LRRC37A2: variants seen among roughly 807,000 people sequenced by gnomAD.
The protein encoded by LRRC37A2 is leucine-rich repeat-containing protein 37A2.
LRRC37A2 carries 9 observed loss-of-function variants against 68.8 expected under a neutral mutation model. The ratio of observed to expected loss-of-function variants is 0.13; its 90% CI spans 0.08 to 0.23. The LOEUF is 0.23. Among genes scored for constraint, LRRC37A2 ranks in the 10% least tolerant of loss-of-function variants. LRRC37A2 has a pLI of 1.00. For synonymous variants in LRRC37A2, 63 were observed against 367.6 expected (o/e 0.17, Z 9.48); for missense variants, 168 against 950.4 (o/e 0.18, Z 10.82).
chr17:46,800,703 C>A, the LRRC37A2 span, among the ~76,000 whole-genome samples: 1 of 152,208 alleles, frequency 6.6e-6, no homozygotes, highest in Non-Finnish European at 1.5e-5. Flanking sequence ...CATCCCACAA[C>A]CTGTCTTTGA....
chr17:46,737,952 A>ATTATTATTG, the LRRC37A2 span, among the ~76,000 whole-genome samples: 369 of 139,968 alleles, frequency 2.6e-3, 3 homozygotes, highest in East Asian at 0.024. Context: ...TATTATTATT[A>ATTATTATTG]GAGATAGGAT....
At chr17:46,855,350 C>A in the LRRC37A2 span, among the ~76,000 whole-genome samples, 9 of 152,342 alleles carry the variant, frequency 5.9e-5, no homozygotes, top group Admixed American at 6.5e-5. Context: ...GTTGCACTGA[C>A]CCCTGCTAGA....
the LRRC37A2 span, among the ~76,000 whole-genome samples, chr17:46,774,951 CT>C: frequency 6.6e-6 from 1 of 152,206 alleles, no homozygotes; most frequent in Non-Finnish European, 1.5e-5. Context: ...CCCATCTCCT[CT>C]CCCTCTGTGT....
chr17:46,730,952 T>C, the LRRC37A2 span, among the ~76,000 whole-genome samples: 1 of 136,052 alleles, frequency 7.4e-6, no homozygotes, highest in African/African-American at 2.6e-5. Context: ...GGAACCTGTA[T>C]GCACTGCTGG....
At chr17:46,852,731 C>G in the LRRC37A2 span, among the ~76,000 whole-genome samples, 1 of 151,990 alleles carries the variant, frequency 6.6e-6, no homozygotes, top group Admixed American at 6.6e-5. Context: ...ATCTTCACCC[C>G]AAATCAATAG....
the LRRC37A2 span, among the ~76,000 whole-genome samples, chr17:46,792,054 G>T: frequency 4.7e-4 from 72 of 152,232 alleles, no homozygotes; most frequent in Non-Finnish European, 8.1e-4. Flanking sequence ...CAAAACAAAA[G>T]AAAACAACTC....
At chr17:46,728,775 A>G in the LRRC37A2 span, 1 of 933,370 alleles carries the variant, frequency 1.1e-6, no homozygotes, top group African/African-American at 1.7e-5. Context: ...TTTTGATGCA[A>G]AAAAAAAAAA....
chr17:46,940,737 C>A, the LRRC37A2 span: 1 of 1,583,076 alleles, frequency 6.3e-7, no homozygotes. Context: ...CTTTGATGAA[C>A]CCTCATGCTG....
chr17:46,924,402 A>C, the LRRC37A2 span: 1 of 152,256 alleles, frequency 6.6e-6, no homozygotes, highest in African/African-American at 2.4e-5. Flanking sequence ...TGGGCTGTTG[A>C]GAATAATACT....
the LRRC37A2 span, among the ~76,000 whole-genome samples, chr17:46,966,368 C>T: frequency 1.3e-5 from 2 of 152,172 alleles, no homozygotes; most frequent in Admixed American, 6.5e-5. Flanking sequence ...ATTGTGTGAC[C>T]TCCTCACACC....
the LRRC37A2 span, chr17:47,010,727 C>A: frequency 6.6e-6 from 1 of 152,198 alleles, no homozygotes; most frequent in Admixed American, 6.5e-5. Flanking sequence ...CCCAGAAATC[C>A]CTAGGCCACC....
chr17:46,784,952 AT>A, the LRRC37A2 span, among the ~76,000 whole-genome samples: 1,588 of 151,126 alleles, frequency 0.011, 8 homozygotes, highest in Middle Eastern at 0.024. Flanking sequence ...ATTTTTTTGT[AT>A]TTTTTAGTAG....
chr17:46,908,624 G>A, the LRRC37A2 span, among the ~76,000 whole-genome samples: 1 of 152,166 alleles, frequency 6.6e-6, no homozygotes, highest in Non-Finnish European at 1.5e-5. Flanking sequence ...CAGAGATGTG[G>A]CCGCCATCTG....
the LRRC37A2 span, among the ~76,000 whole-genome samples, chr17:46,928,959 C>A: frequency 1.3e-5 from 2 of 152,054 alleles, no homozygotes; most frequent in South Asian, 2.1e-4. Context: ...GCAGAGCTGC[C>A]CCTCTTTCTG....
the LRRC37A2 span, among the ~76,000 whole-genome samples, chr17:46,708,804 T>TTATATATA: frequency 3.3e-3 from 213 of 64,334 alleles, 3 homozygotes; most frequent in Middle Eastern, 0.01. Flanking sequence ...ACCATTTATT[T>TTATATATA]TATATATATA....
the LRRC37A2 span, among the ~76,000 whole-genome samples, chr17:46,920,233 G>A: frequency 1.3e-5 from 2 of 152,232 alleles, no homozygotes; most frequent in African/African-American, 2.4e-5. Flanking sequence ...TCCATGAACC[G>A]TTCTTGCCCT....
the LRRC37A2 span, among the ~76,000 whole-genome samples, chr17:46,719,218 A>T: frequency 6.6e-6 from 1 of 152,224 alleles, no homozygotes; most frequent in Non-Finnish European, 1.5e-5. The surrounding 1 kb of genome is among the most constrained non-coding windows in gnomAD (Gnocchi z 4.3). Context: ...ATAGTCTGTG[A>T]AACTGAAAAA....
the LRRC37A2 span, chr17:46,963,796 TTC>T: frequency 6.6e-6 from 1 of 152,150 alleles, no homozygotes; most frequent in Non-Finnish European, 1.5e-5. Flanking sequence ...ACTGGCTGAA[TTC>T]TCTTTTTTTC....
chr17:46,854,744 G>A, the LRRC37A2 span, among the ~76,000 whole-genome samples: 8 of 152,016 alleles, frequency 5.3e-5, no homozygotes, highest in Non-Finnish European at 7.4e-5. Context: ...CACTGCAACC[G>A]CCACCTCCTG....
Sources: gnomAD v4.1 joint callset for allele counts (sites outside exome capture counted in the v4.1 genomes callset) on GRCh38, gnomAD v4.1.1 for gene constraint, Gnocchi (gnomAD v3.1) non-coding constraint, MANE v1.5 for transcripts, NCBI Gene and HGNC (gene_info 2026-07-23, HGNC 2026-07-21) for gene names.